The following RHBDL2 variants were observed in gnomAD, a reference collection of about 807,000 sequenced individuals.
RHBDL2 encodes the protein rhomboid-related protein 2.
RHBDL2 carries 26 observed loss-of-function variants against 31.7 expected under a neutral mutation model. The ratio of observed to expected loss-of-function variants is 0.82; its 90% CI spans 0.60 to 1.14. The LOEUF is 1.14. Ranked by LOEUF, RHBDL2 falls within the 50% of genes most tolerant of loss-of-function variation. RHBDL2 has a pLI of 0.00. For synonymous variants in RHBDL2, 123 were observed against 127.2 expected, an observed-to-expected ratio of 0.97 and a Z score of 0.22; for missense variants, 336 against 364.4, an observed-to-expected ratio of 0.92 and a Z score of 0.63.
chr1:38,935,403 A>T (rs1643488368), intron 1 of RHBDL2, among the ~76,000 whole-genome samples: 2 of 152,236 alleles, frequency 1.3e-5, no homozygotes, highest in Non-Finnish European at 2.9e-5. Flanking sequence ...GAGGAATTCA[A>T]AGGTGTCTGA....
At chr1:38,907,754 C>A (rs1244050630) in intron 4 of RHBDL2, among the ~76,000 whole-genome samples, 1 of 152,026 alleles carries the variant, frequency 6.6e-6, no homozygotes, top group Non-Finnish European at 1.5e-5. Context: ...AGTGAACAAA[C>A]AAATAAATGT....
intron 1 of RHBDL2, among the ~76,000 whole-genome samples, chr1:38,920,072 A>G (rs1643290682): frequency 6.6e-6 from 1 of 151,570 alleles, no homozygotes; most frequent in African/African-American, 2.4e-5. Context: ...CTATAGATTG[A>G]CCTATACTGG....
chr1:38,934,296 C>T (rs1197523691), intron 1 of RHBDL2, among the ~76,000 whole-genome samples: 1 of 151,230 alleles, frequency 6.6e-6, no homozygotes, highest in Non-Finnish European at 1.5e-5. Context: ...TGCAGTGAGT[C>T]GAGATTGTGC....
At chr1:38,887,921 T>C (rs1642806315) in intron 7 of RHBDL2, 42 bp downstream of exon 7, 1 of 1,410,034 alleles carries the variant, frequency 7.1e-7, no homozygotes, top group Non-Finnish European at 1.0e-6. Context: ...TTTTTGACAG[T>C]AAACTAATTT....
chr1:38,905,504 C>G (rs1243474480), intron 4 of RHBDL2, among the ~76,000 whole-genome samples: 1 of 151,170 alleles, frequency 6.6e-6, no homozygotes, highest in South Asian at 2.1e-4. Context: ...AATCCCAGCA[C>G]TTTGGGAGGC....
intron 1 of RHBDL2, among the ~76,000 whole-genome samples, chr1:38,934,647 C>T (rs1349779892): frequency 1.1e-5 from 1 of 92,436 alleles, no homozygotes; most frequent in Non-Finnish European, 2.0e-5. Flanking sequence ...AGTGACAGAG[C>T]AAGACTGTCT....
Position 38,885,818 on chromosome 1 carries a change from A to T in RHBDL2, c.*686T>A, listed in dbSNP as rs1328315771. On this transcript the variant is annotated 3_prime_UTR_variant, in exon 8 of 8. Coordinates refer to ENST00000372990, the MANE Select transcript of RHBDL2 (RefSeq NM_017821.5). The stretch of plus-strand genomic sequence containing the variant: ...TCAGGAGTCTGACACAGGTATAAAA[A>T]GTTTTTATTATCAGCATTGTACAGT... The T allele has an allele frequency of 6.6e-6, 1 of 152,648 alleles. No individual in the cohort carries two copies. Among genetic ancestry groups the T allele is most frequent in the Non-Finnish European group, 1.5e-5 (1 of 68,040 alleles). The allele number at this position is 152,648 out of a possible 1,614,324, so 9.5% of individuals were successfully genotyped here. A position where few individuals can be genotyped will look rare whatever the true frequency, so the allele number is the denominator to read the frequency against.
At chr1:38,926,163 C>T (rs1324513173) in intron 1 of RHBDL2, 3 of 1,078,264 alleles carry the variant, frequency 2.8e-6, no homozygotes, top group Non-Finnish European at 3.4e-6. Context: ...CAATCAGCTG[C>T]ATTTGCTTAG....
intron 1 of RHBDL2, among the ~76,000 whole-genome samples, chr1:38,934,539 C>A (rs1378621853): frequency 6.7e-6 from 1 of 149,694 alleles, no homozygotes; most frequent in Non-Finnish European, 1.5e-5. Context: ...CACCTGTAAT[C>A]CCAGCTACTC....
chr1:38,931,382 G>C (rs571724416), intron 1 of RHBDL2, among the ~76,000 whole-genome samples: 1 of 152,200 alleles, frequency 6.6e-6, no homozygotes, highest in Admixed American at 6.5e-5. Context: ...TTAGCTGGGC[G>C]TGTTGGCGGG....
intron 3 of RHBDL2, among the ~76,000 whole-genome samples, chr1:38,911,678 C>T (rs1288509809): frequency 1.3e-5 from 2 of 151,364 alleles, no homozygotes; most frequent in Non-Finnish European, 2.9e-5. Context: ...CTTGCTGTGT[C>T]TCCCAGCCAG....
rs183008750 is a variant in RHBDL2 at position 38,934,739 on chromosome 1, C to A, written c.-126+6943G>T. 3.4e-5 allele frequency among the ~76,000 whole-genome samples: 5 copies of A among 145,976 alleles called. No individual in the cohort carries two copies. In the Admixed American group the frequency reaches 3.5e-4, roughly 10 times the overall value. On this transcript the variant is annotated intron_variant, in intron 1 of 7. Transcript: ENST00000372990. ...TTGGGGGGCCGAGGCGGGCAGATCA[C>A]GAGGTCAAGAGTTTGAGACCAGCCT...
At chr1:38,920,052 C>A (rs1643290483) in intron 1 of RHBDL2, among the ~76,000 whole-genome samples, 1 of 151,856 alleles carries the variant, frequency 6.6e-6, no homozygotes, top group African/African-American at 2.4e-5. Context: ...GACTAATCTG[C>A]TTTCTGTGTC....
At chr1:38,932,571 T>G (rs576943626) in intron 1 of RHBDL2, among the ~76,000 whole-genome samples, 288 of 152,324 alleles carry the variant, frequency 1.9e-3, no homozygotes, top group Non-Finnish European at 3.5e-3. Flanking sequence ...GGGACTCTTG[T>G]GCCTCAGCCT....
At chr1:38,931,698 A>G (rs1342871449) in intron 1 of RHBDL2, among the ~76,000 whole-genome samples, 1 of 143,342 alleles carries the variant, frequency 7.0e-6, no homozygotes, top group Non-Finnish European at 1.5e-5. Flanking sequence ...AACACATGGG[A>G]AAAAAAAAAA....
rs145172605 is a variant in RHBDL2 at position 38,890,226 on chromosome 1, C to T, written c.671-2202G>A. Among the ~76,000 whole-genome samples the T allele has an allele frequency of 2.0e-4, 30 of 151,890 alleles. No individual in the cohort carries two copies. In the East Asian group the frequency reaches 2.1e-3, roughly 11 times the overall value. ...TTAATTTTTGTATTTTTAGTAGAGACGGGGTTTCACCATGAGATCTCCTGA... is the reference window on the plus strand; with the variant it reads ...TTAATTTTTGTATTTTTAGTAGAGATGGGGTTTCACCATGAGATCTCCTGA... On this transcript the variant is annotated intron_variant, in intron 6 of 7. Coordinates refer to ENST00000372990, the MANE Select transcript of RHBDL2 (RefSeq NM_017821.5).
At chr1:38,912,910 ATGTG>A (rs869081947) in intron 3 of RHBDL2, among the ~76,000 whole-genome samples, 1,091 of 40,968 alleles carry the variant, frequency 0.027, 7 homozygotes, top group Non-Finnish European at 0.038. Context: ...ATATATATAT[ATGTG>A]TGTGTGTGTG....
At chr1:38,918,303 A>T (rs74067181) in intron 2 of RHBDL2, among the ~76,000 whole-genome samples, 3,348 of 152,082 alleles carry the variant, frequency 0.022, 123 homozygotes, top group African/African-American at 0.074. Context: ...CTGAAGTCAC[A>T]CTCCACAGGC....
At chr1:38,922,729 C>T (rs1478271710) in intron 1 of RHBDL2, among the ~76,000 whole-genome samples, 3 of 149,898 alleles carry the variant, frequency 2.0e-5, no homozygotes, top group East Asian at 3.9e-4. Flanking sequence ...TCATCTCTCC[C>T]GCTCACGTTT....
Sources: gnomAD v4.1 joint callset for allele counts (sites outside exome capture counted in the v4.1 genomes callset) on GRCh38, gnomAD v4.1.1 for gene constraint, MANE v1.5 for transcripts, NCBI Gene and HGNC (gene_info 2026-07-23, HGNC 2026-07-21) for gene names.